Variants in TAFA1 observed in about 807,000 individuals in gnomAD.
The protein encoded by TAFA1 is TAFA chemokine like family member 1, also known as chemokine-like protein TAFA-1.
In TAFA1, 4 loss-of-function variants were observed where a neutral mutation model predicts 18.5. That is an observed-to-expected ratio of 0.22 (90% CI 0.11 to 0.49). The LOEUF (loss-of-function observed/expected upper bound fraction) is 0.49, where lower values mean the gene tolerates loss of function less well. Ranked by LOEUF, TAFA1 falls within the 20% of genes least tolerant of loss-of-function variation. The pLI, the probability that TAFA1 is intolerant of heterozygous loss-of-function variation, is 0.98. For missense variants in TAFA1, 147 were observed against 169.0 expected, an observed-to-expected ratio of 0.87 and a Z score of 0.72; for synonymous variants, 56 against 55.2, an observed-to-expected ratio of 1.01 and a Z score of -0.06.
At chr3:68,179,420 G>A (rs1185407831) in intron 2 of TAFA1, among the ~76,000 whole-genome samples, 1 of 152,090 alleles carries the variant, frequency 6.6e-6, no homozygotes, top group Admixed American at 6.6e-5. Flanking sequence ...TTAAAATTTG[G>A]ATCATGTTGT....
At chr3:68,539,684 G>T (rs1224778395) in intron 4 of TAFA1, among the ~76,000 whole-genome samples, 1 of 53,672 alleles carries the variant, frequency 1.9e-5, no homozygotes, top group Non-Finnish European at 3.4e-5. Context: ...TGTGTGGGGG[G>T]GCATGGGGTG....
At chr3:68,303,839 A>T (rs1470246771) in intron 2 of TAFA1, among the ~76,000 whole-genome samples, 2 of 152,202 alleles carry the variant, frequency 1.3e-5, no homozygotes, top group Non-Finnish European at 2.9e-5. Context: ...TTCGAAAAGC[A>T]GCCAGGAAAC....
At chr3:68,235,088 C>T (rs1373588366) in intron 2 of TAFA1, among the ~76,000 whole-genome samples, 1 of 152,150 alleles carries the variant, frequency 6.6e-6, no homozygotes, top group Admixed American at 6.5e-5. Flanking sequence ...GGCCAATATG[C>T]ATTTTCACCT....
chr3:68,344,422 A>T (rs1258141159), intron 2 of TAFA1, among the ~76,000 whole-genome samples: 2 of 152,214 alleles, frequency 1.3e-5, no homozygotes, highest in Admixed American at 1.3e-4. Context: ...CCAAGTCTAC[A>T]TGGCTCTAAA....
At chr3:68,542,332 T>C (rs921103074) in intron 4 of TAFA1, among the ~76,000 whole-genome samples, 1 of 152,156 alleles carries the variant, frequency 6.6e-6, no homozygotes, top group African/African-American at 2.4e-5. Flanking sequence ...AATTGCTTTA[T>C]TAAATAGCTT....
chr3:67,997,686 A>G, the TAFA1 span, among the ~76,000 whole-genome samples: 1 of 152,174 alleles, frequency 6.6e-6, no homozygotes, highest in African/African-American at 2.4e-5. Flanking sequence ...AAGTCCAGAA[A>G]AGTTAATAGG....
chr3:68,287,927 T>G, intron 2 of TAFA1, among the ~76,000 whole-genome samples: 1 of 149,044 alleles, frequency 6.7e-6, no homozygotes, highest in Non-Finnish European at 1.5e-5. Flanking sequence ...GGGGGCTTTT[T>G]GAAAATTTTT....
intron 2 of TAFA1, among the ~76,000 whole-genome samples, chr3:68,046,801 C>G (rs1334848686): frequency 6.6e-6 from 1 of 152,114 alleles, no homozygotes; most frequent in East Asian, 1.9e-4. Context: ...CTCCAGTCAT[C>G]CCCAGAGACC....
chr3:68,494,432 A>T (rs940560968), intron 3 of TAFA1, among the ~76,000 whole-genome samples: 1 of 152,204 alleles, frequency 6.6e-6, no homozygotes, highest in Non-Finnish European at 1.5e-5. Context: ...TCTCTGTAGG[A>T]TAACCCAGAT....
chr3:68,484,107 A>G (rs1484619246), intron 3 of TAFA1, among the ~76,000 whole-genome samples: 2 of 152,264 alleles, frequency 1.3e-5, no homozygotes, highest in African/African-American at 4.8e-5. Flanking sequence ...CTCCAAATGC[A>G]TCCAAATTAT....
At chr3:68,475,865 G>T (rs146711341) in intron 3 of TAFA1, among the ~76,000 whole-genome samples, 3,119 of 152,294 alleles carry the variant, frequency 0.02, 122 homozygotes, top group African/African-American at 0.071. Context: ...ACTGGTGTGA[G>T]ATGGTATCTC....
At chr3:68,140,175 G>A (rs935950354) in intron 2 of TAFA1, among the ~76,000 whole-genome samples, 1 of 152,170 alleles carries the variant, frequency 6.6e-6, no homozygotes, top group Non-Finnish European at 1.5e-5. Flanking sequence ...CACAGCCTAT[G>A]TGGGAGGCTA....
chr3:68,542,062 T>C (rs1038232276), intron 4 of TAFA1, among the ~76,000 whole-genome samples: 3 of 152,130 alleles, frequency 2.0e-5, no homozygotes, highest in Non-Finnish European at 1.5e-5. Context: ...AGTGATATTA[T>C]TACCCCAGAA....
chr3:68,370,985 A>G (rs866599832), intron 2 of TAFA1, among the ~76,000 whole-genome samples: 3 of 152,176 alleles, frequency 2.0e-5, no homozygotes, highest in Admixed American at 6.5e-5. Flanking sequence ...TATAAAATTG[A>G]ACTACCGTAA....
intron 2 of TAFA1, among the ~76,000 whole-genome samples, chr3:68,238,527 T>TAGTC (rs1166436281): frequency 6.6e-6 from 1 of 152,186 alleles, no homozygotes; most frequent in East Asian, 1.9e-4. Flanking sequence ...ATGACCTATA[T>TAGTC]AGTCAGCTAA....
At chr3:68,497,074 A>G (rs1460130876) in intron 3 of TAFA1, among the ~76,000 whole-genome samples, 1 of 152,172 alleles carries the variant, frequency 6.6e-6, no homozygotes, top group Admixed American at 6.5e-5. Context: ...TGCCTTGTAC[A>G]TTGTAAGTGT....
intron 2 of TAFA1, among the ~76,000 whole-genome samples, chr3:68,087,957 G>C (rs763771070): frequency 9.0e-4 from 137 of 152,038 alleles, no homozygotes; most frequent in Non-Finnish European, 1.4e-3. Flanking sequence ...TGTGTGCCAG[G>C]TTCTGGGACT....
rs563896862 is a variant in TAFA1 at position 68,146,739 on chromosome 3, C to T, written c.118+139995C>T. The stretch of plus-strand genomic sequence containing the variant: ...CTTCCTGGGTGATCCCAATTTATAA[C>T]TGAGGTTGAGAGGTCTGCCAGGGTA... On this transcript the variant is annotated intron_variant, in intron 2 of 4. Transcript: ENST00000478136. 3.9e-5 allele frequency among the ~76,000 whole-genome samples: 6 copies of T among 152,288 alleles called. No individual in the cohort carries two copies. In the South Asian group the frequency reaches 1.2e-3, roughly 32 times the overall value.
At chr3:68,529,591 C>G (rs2073159808) in intron 3 of TAFA1, among the ~76,000 whole-genome samples, 1 of 152,014 alleles carries the variant, frequency 6.6e-6, no homozygotes, top group Non-Finnish European at 1.5e-5. Context: ...ATTTATTTGG[C>G]TCACAGTTCT....
Sources: allele counts gnomAD v4.1 joint callset (sites outside exome capture counted in the v4.1 genomes callset), GRCh38; gene constraint gnomAD v4.1.1; transcripts MANE v1.5; gene names NCBI Gene and HGNC (gene_info 2026-07-23, HGNC 2026-07-21).